The following CDYL2 variants were observed in gnomAD, a reference collection of about 807,000 sequenced individuals.
The protein encoded by CDYL2 is chromodomain Y-like protein 2.
In CDYL2, 23 loss-of-function variants were observed where a neutral mutation model predicts 49.4. The observed-to-expected ratio is 0.47, with a 90% CI of 0.34 to 0.66. CDYL2 has a LOEUF of 0.66. Ranked by LOEUF, CDYL2 falls within the 30% of genes least tolerant of loss-of-function variation. The probability of loss-of-function intolerance (pLI) is 0.01; values close to 1 mark genes in which losing one functional copy is unlikely to be tolerated. For missense variants in CDYL2, 678 were observed against 656.4 expected, an observed-to-expected ratio of 1.03 and a Z score of -0.36; for synonymous variants, 360 against 268.8, an observed-to-expected ratio of 1.34 and a Z score of -3.32.
chr16:80,681,144 T>C (rs1909952350), intron 2 of CDYL2, among the ~76,000 whole-genome samples: 1 of 152,178 alleles, frequency 6.6e-6, no homozygotes, highest in Non-Finnish European at 1.5e-5. Context: ...CTGTTCTGTA[T>C]GCAGAACCTT....
At chr16:80,662,030 T>C (rs1909066088) in intron 2 of CDYL2, among the ~76,000 whole-genome samples, 1 of 152,212 alleles carries the variant, frequency 6.6e-6, no homozygotes, top group African/African-American at 2.4e-5. Context: ...AGTATGTTCC[T>C]AGTGGTGCAT....
intron 4 of CDYL2, among the ~76,000 whole-genome samples, chr16:80,614,151 C>G (rs9938021): frequency 0.23 from 35,713 of 152,190 alleles, 4,342 homozygotes; most frequent in Admixed American, 0.33. Context: ...ACATGAGTCT[C>G]CCAGAACAAG....
At chr16:80,722,585 T>G (rs1373072659) in intron 1 of CDYL2, among the ~76,000 whole-genome samples, 4 of 152,228 alleles carry the variant, frequency 2.6e-5, no homozygotes, top group Admixed American at 2.6e-4. Flanking sequence ...CTAGTTTTCT[T>G]AGGCCTATTT....
chr16:80,639,053 C>T (rs1907964957), intron 2 of CDYL2, among the ~76,000 whole-genome samples: 1 of 152,132 alleles, frequency 6.6e-6, no homozygotes, highest in African/African-American at 2.4e-5. Flanking sequence ...TCTGAAGAGA[C>T]ACCTCAACAA....
In CDYL2 at chr16:80,768,109, A is replaced by G. The variant is rs145194260; in HGVS notation, c.24+36041T>C. 1.9e-3 allele frequency among the ~76,000 whole-genome samples: 288 copies of G among 152,298 alleles called. 1 individual carries two copies. Among genetic ancestry groups the G allele is most frequent in the African/African-American group, 6.2e-3 (259 of 41,556 alleles). On this transcript the variant is annotated intron_variant, in intron 1 of 6. Coordinates refer to ENST00000570137, the MANE Select transcript of CDYL2 (RefSeq NM_152342.4). ...ATTCCCCCACTGCCACACCAGTAACAAGAGAAACAGTTTGAACCCTAGCCT... is the reference window on the plus strand; with the variant it reads ...ATTCCCCCACTGCCACACCAGTAACGAGAGAAACAGTTTGAACCCTAGCCT...
intron 1 of CDYL2, among the ~76,000 whole-genome samples, chr16:80,725,085 T>C (rs1195229582): frequency 6.6e-6 from 1 of 152,164 alleles, no homozygotes; most frequent in African/African-American, 2.4e-5. Flanking sequence ...TCCAAGGACA[T>C]GTTCTGTCCT....
intron 1 of CDYL2, among the ~76,000 whole-genome samples, chr16:80,701,109 T>G (rs917570155): frequency 1.3e-5 from 2 of 152,156 alleles, no homozygotes; most frequent in Non-Finnish European, 2.9e-5. Flanking sequence ...CATTTGACTT[T>G]TGAGTATCCA....
chr16:80,691,309 C>A (rs1171560790), intron 1 of CDYL2, among the ~76,000 whole-genome samples: 1 of 152,200 alleles, frequency 6.6e-6, no homozygotes, highest in Non-Finnish European at 1.5e-5. Flanking sequence ...AGGGCAAGTT[C>A]TGGGAACAAC....
chr16:80,769,715 G>A (rs532762713), intron 1 of CDYL2, among the ~76,000 whole-genome samples: 1 of 152,080 alleles, frequency 6.6e-6, no homozygotes, highest in East Asian at 1.9e-4. Context: ...CCCAACACTG[G>A]GCAAATAGCA....
At chr16:80,617,036 G>A (rs763823144) in intron 4 of CDYL2, among the ~76,000 whole-genome samples, 1 of 152,186 alleles carries the variant, frequency 6.6e-6, no homozygotes, top group Admixed American at 6.5e-5. Flanking sequence ...TGAATACCAC[G>A]TTTGAACAAG....
chr16:80,718,716 C>T (rs1904896095), intron 1 of CDYL2, among the ~76,000 whole-genome samples: 1 of 152,190 alleles, frequency 6.6e-6, no homozygotes, highest in Admixed American at 6.5e-5. Flanking sequence ...GGTGTCCCAA[C>T]AGACACGTGG....
chr16:80,725,781 C>T (rs1011397793), intron 1 of CDYL2, among the ~76,000 whole-genome samples: 6 of 152,224 alleles, frequency 3.9e-5, no homozygotes, highest in African/African-American at 7.2e-5. Flanking sequence ...GCAACAAGCA[C>T]GCTGCCCGCT....
intron 1 of CDYL2, among the ~76,000 whole-genome samples, chr16:80,792,162 G>C (rs906462888): frequency 1.3e-5 from 2 of 152,264 alleles, no homozygotes; most frequent in African/African-American, 4.8e-5. Context: ...AGTTTAAAGA[G>C]CCCAAGTGAA....
intron 4 of CDYL2, among the ~76,000 whole-genome samples, chr16:80,619,301 G>A (rs1238961392): frequency 1.3e-5 from 2 of 152,194 alleles, no homozygotes; most frequent in Non-Finnish European, 1.5e-5. Context: ...ACAGGTTCCA[G>A]GGATTGGCAC....
intron 2 of CDYL2, among the ~76,000 whole-genome samples, chr16:80,665,505 T>TAAAA (rs35248259): frequency 0.05 from 6,116 of 121,458 alleles, 292 homozygotes; most frequent in African/African-American, 0.11. Context: ...TTTTTGCCAT[T>TAAAA]AAAAAAAAAA....
chr16:80,762,043 A>C (rs1906550803), intron 1 of CDYL2, among the ~76,000 whole-genome samples: 1 of 151,926 alleles, frequency 6.6e-6, no homozygotes. Flanking sequence ...AAAATTAGCC[A>C]GGCATAGTGG....
At chr16:80,775,896 G>C (rs1279268062) in intron 1 of CDYL2, among the ~76,000 whole-genome samples, 1 of 151,226 alleles carries the variant, frequency 6.6e-6, no homozygotes, top group African/African-American at 2.4e-5. Context: ...ATCAACTTTT[G>C]TGCTGTCCAG....
chr16:80,694,402 A>C lies in CDYL2; in HGVS notation c.25-9273T>G, dbSNP rs554492702. On this transcript the variant is annotated intron_variant, in intron 1 of 6. Coordinates refer to ENST00000570137, the MANE Select transcript of CDYL2 (RefSeq NM_152342.4). ...AATTGTTTTTTGCAGAGGTACAAAG[A>C]ATTTAAAAAATGACCTTAAGCATAC... Among the ~76,000 whole-genome samples the C allele has an allele frequency of 1.9e-4, 29 of 152,324 alleles. No homozygotes were observed. The South Asian group carries it at 6.0e-3, about 32-fold the overall frequency.
intron 3 of CDYL2, 35 bp downstream of exon 3, chr16:80,632,984 C>A: frequency 6.3e-7 from 1 of 1,590,828 alleles, no homozygotes; most frequent in Non-Finnish European, 8.6e-7. Context: ...GAGCCACAGC[C>A]CAGCTTGCCC....
Sources: gnomAD v4.1 joint callset for allele counts (sites outside exome capture counted in the v4.1 genomes callset) on GRCh38, gnomAD v4.1.1 for gene constraint, MANE v1.5 for transcripts, NCBI Gene and HGNC (gene_info 2026-07-23, HGNC 2026-07-21) for gene names.